The following ABCB4 variants were observed in gnomAD, a reference collection of about 807,000 sequenced individuals.
ABCB4 encodes phosphatidylcholine translocator ABCB4.
In ABCB4, 76 loss-of-function variants were observed where a neutral mutation model predicts 145.7. That is an observed-to-expected ratio of 0.52 (90% CI 0.43 to 0.63). ABCB4 has a LOEUF of 0.63. Ranked by LOEUF, ABCB4 falls within the 30% of genes least tolerant of loss-of-function variation. The pLI is 0.00. For synonymous variants in ABCB4, 517 were observed against 566.8 expected (o/e 0.91, Z 1.25); for missense variants, 1,234 against 1,553.1 (o/e 0.79, Z 3.45).
At chr7:87,388,041 G>A in the ABCB4 span, among the ~76,000 whole-genome samples, 1 of 152,156 alleles carries the variant, frequency 6.6e-6, no homozygotes, top group Admixed American at 6.5e-5. Context: ...TGGGGAGCAG[G>A]TGGGTGTGAT....
At chr7:87,436,176 A>G (rs1453573875) in intron 14 of ABCB4, among the ~76,000 whole-genome samples, 2 of 152,198 alleles carry the variant, frequency 1.3e-5, no homozygotes, top group East Asian at 1.9e-4. Context: ...ATTTAAGACA[A>G]TAAAGCAGAC....
chr7:87,443,610 T>A, intron 11 of ABCB4, 53 bp downstream of exon 11: 1 of 1,561,574 alleles, frequency 6.4e-7, no homozygotes, highest in Non-Finnish European at 8.8e-7. Context: ...TTCTTTAAAA[T>A]GATTCAACAA....
the ABCB4 span, among the ~76,000 whole-genome samples, chr7:87,383,092 TTTATTAC>T: frequency 6.6e-6 from 1 of 152,220 alleles, no homozygotes; most frequent in African/African-American, 2.4e-5. Context: ...GCCTCAACCA[TTTATTAC>T]GTCTTCGTGT....
downstream of ABCB4, chr7:87,399,659 A>G (rs887716377): frequency 2.6e-5 from 4 of 152,202 alleles, no homozygotes; most frequent in African/African-American, 9.7e-5. Flanking sequence ...TGACTTTTAA[A>G]GGATTAATGT....
downstream of ABCB4, among the ~76,000 whole-genome samples, chr7:87,400,897 C>G (rs1403835783): frequency 6.6e-6 from 1 of 152,202 alleles, no homozygotes; most frequent in Non-Finnish European, 1.5e-5. Flanking sequence ...CCTCCTCTCA[C>G]TCACACTTCA....
chr7:87,396,819 CTG>C (rs1240101953), downstream of ABCB4, among the ~76,000 whole-genome samples: 1 of 151,964 alleles, frequency 6.6e-6, no homozygotes, highest in African/African-American at 2.4e-5. Context: ...TATATTTACA[CTG>C]TAAATATTTG....
chr7:87,451,598 A>G lies in ABCB4; in HGVS notation c.708+25T>C, dbSNP rs781692086. The G allele has an allele frequency of 1.1e-5, 18 of 1,613,980 alleles. No homozygotes were observed. In the Admixed American group the frequency reaches 1.7e-4, roughly 15 times the overall value. ...TTACTGTGTGCAGGGGTTAACACAC[A>G]TAAAAAGGCCCAGCTTTCACATACC... On this transcript the variant is annotated intron_variant, in intron 7 of 27. Transcript: ENST00000649586.
chr7:87,462,842 C>T lies in ABCB4; in HGVS notation c.202G>A (p.Gly68Arg), dbSNP rs1343667900. Residue 68 changes from glycine (G) to arginine (R), a missense_variant, in exon 4 of 28, where the codon GGA becomes AGA. Around this residue, in one of 7 missense-constraint regions of ABCB4, gnomAD observed 4 missense variants for 18.2 expected, o/e 0.22. Transcript: ENST00000649586. Reference protein sequence around the residue: ...SLGTIMAIAHGSGLPLMMIVF... With the variant: ...SLGTIMAIAHRSGLPLMMIVF... The stretch of plus-strand genomic sequence containing the variant: ...ATCATCATGAGGGGGAGACCTGATC[C>T]GTGAGCTATGGCCATGATGGTACCC... The T allele has an allele frequency of 3.7e-6, 6 of 1,613,724 alleles. No homozygotes were observed. The highest frequency in any genetic ancestry group is 1.7e-5 in the Admixed American group (1 of 59,990).
intron 21 of ABCB4, among the ~76,000 whole-genome samples, chr7:87,414,576 T>C (rs1439942208): frequency 6.6e-6 from 1 of 152,216 alleles, no homozygotes; most frequent in Non-Finnish European, 1.5e-5. Context: ...GTCTGTGACT[T>C]AGCTATTTAG....
At chr7:87,398,503 A>G, downstream of ABCB4, 1 of 1,612,706 alleles carries the variant, frequency 6.2e-7, no homozygotes, top group South Asian at 1.1e-5. Context: ...GTAATCATTA[A>G]TCATTATTTA....
Position 87,461,618 on chromosome 7 carries a change from A to G in ABCB4, c.286+1140T>C, listed in dbSNP as rs920017365. Reference sequence around the variant, plus strand: ...ACAATGAAAAATCACCATTATTGTTATTTTTATTATAAAGAGGTTTTTTTC... The same window carrying G: ...ACAATGAAAAATCACCATTATTGTTGTTTTTATTATAAAGAGGTTTTTTTC... On this transcript the variant is annotated intron_variant, in intron 4 of 27. Transcript: ENST00000649586. Among the ~76,000 whole-genome samples the G allele has an allele frequency of 2.0e-5, 3 of 152,178 alleles. No homozygotes were observed. In the East Asian group the frequency reaches 5.8e-4, roughly 29 times the overall value.
At chr7:87,428,014 A>T (rs1809955923) in intron 15 of ABCB4, among the ~76,000 whole-genome samples, 1 of 152,070 alleles carries the variant, frequency 6.6e-6, no homozygotes, top group African/African-American at 2.4e-5. Context: ...AATCATCCCC[A>T]GCTTCCCACT....
chr7:87,426,453 C>G (rs1809812901), intron 16 of ABCB4, among the ~76,000 whole-genome samples: 1 of 152,082 alleles, frequency 6.6e-6, no homozygotes. Context: ...TCGTTTTGGA[C>G]CAGTCTTATT....
chr7:87,390,161 G>T, the ABCB4 span, among the ~76,000 whole-genome samples: 1 of 152,086 alleles, frequency 6.6e-6, no homozygotes, highest in Non-Finnish European at 1.5e-5. Context: ...AGAGCTAGAG[G>T]ATTGATAATA....
intron 21 of ABCB4, among the ~76,000 whole-genome samples, chr7:87,416,845 T>G (rs1233893607): frequency 6.6e-6 from 1 of 152,248 alleles, no homozygotes; most frequent in Non-Finnish European, 1.5e-5. Flanking sequence ...CCAATTGCCA[T>G]TATAGTGAGA....
intron 4 of ABCB4, among the ~76,000 whole-genome samples, chr7:87,460,410 T>C (rs1812374232): frequency 6.6e-6 from 1 of 152,108 alleles, no homozygotes; most frequent in Non-Finnish European, 1.5e-5. Context: ...GCATAATACC[T>C]AGTATTTGGT....
At chr7:87,414,197 T>A (rs1367416211) in intron 21 of ABCB4, among the ~76,000 whole-genome samples, 1 of 152,218 alleles carries the variant, frequency 6.6e-6, no homozygotes, top group Non-Finnish European at 1.5e-5. Flanking sequence ...GAGATCCCAA[T>A]TGTCAACAAC....
At chr7:87,444,371 CAA>C (rs1232730222) in intron 10 of ABCB4, among the ~76,000 whole-genome samples, 1 of 152,122 alleles carries the variant, frequency 6.6e-6, no homozygotes, top group African/African-American at 2.4e-5. Flanking sequence ...TTTTTTACGT[CAA>C]AACTTTTTCT....
the ABCB4 span, among the ~76,000 whole-genome samples, chr7:87,380,016 T>TG: frequency 6.6e-6 from 1 of 151,928 alleles, no homozygotes; most frequent in African/African-American, 2.4e-5. Flanking sequence ...GAGGCTGAGG[T>TG]GGGAGGATCA....
Sources: gnomAD v4.1 joint callset for allele counts (sites outside exome capture counted in the v4.1 genomes callset) on GRCh38, gnomAD v4.1.1 for gene constraint, gnomAD v4.1.1 regional missense constraint, MANE v1.5 for transcripts, NCBI Gene and HGNC (gene_info 2026-07-23, HGNC 2026-07-21) for gene names.